Variants in TRIP4 observed in about 807,000 individuals in gnomAD.
TRIP4 encodes the protein activating signal cointegrator 1.
Under a neutral mutation model 81.8 loss-of-function variants are expected in TRIP4, and 54 were observed. The ratio of observed to expected loss-of-function variants is 0.66; its 90% CI spans 0.53 to 0.83. TRIP4 has a LOEUF of 0.83. Ranked by LOEUF, TRIP4 falls within the 40% of genes least tolerant of loss-of-function variation. TRIP4 has a pLI of 0.00. For missense variants in TRIP4, 662 were observed against 683.6 expected (o/e 0.97, Z 0.35); for synonymous variants, 270 against 242.8 (o/e 1.11, Z -1.04).
chr15:64,412,567 A>T (rs1463236012), intron 7 of TRIP4, among the ~76,000 whole-genome samples: 3 of 152,124 alleles, frequency 2.0e-5, no homozygotes, highest in African/African-American at 7.2e-5. Flanking sequence ...TAAAAAAAAA[A>T]AAAAAGCCTC....
chr15:64,413,049 T>C (rs982347247), intron 7 of TRIP4, among the ~76,000 whole-genome samples: 1 of 152,068 alleles, frequency 6.6e-6, no homozygotes, highest in African/African-American at 2.4e-5. Flanking sequence ...CTTTATAACT[T>C]CTGAGCCTTC....
At chr15:64,425,312 A>G (rs761908863) in intron 10 of TRIP4, among the ~76,000 whole-genome samples, 23 of 152,218 alleles carry the variant, frequency 1.5e-4, no homozygotes, top group Non-Finnish European at 2.8e-4. Context: ...AGGGCAAAGG[A>G]AAAATTTTCT....
intron 8 of TRIP4, among the ~76,000 whole-genome samples, chr15:64,415,402 C>T (rs998638105): frequency 6.6e-6 from 1 of 152,090 alleles, no homozygotes; most frequent in Non-Finnish European, 1.5e-5. Flanking sequence ...ATTAGGTGAC[C>T]TAAACAACAG....
rs1555411171 is a variant in TRIP4, at chr15:64,431,847, A to ATTTTTTTT, written c.1575+6217_1575+6224dup. Among the ~76,000 whole-genome samples, 179 of 119,520 alleles carry ATTTTTTTT rather than the reference A, an allele frequency of 1.5e-3. 1 individual carries two copies. Among genetic ancestry groups the ATTTTTTTT allele is most frequent in the Non-Finnish European group, 2.1e-3 (130 of 61,250 alleles). 78.4% of individuals were successfully genotyped at this position (119,520 alleles called of 152,430 possible). A position where few individuals can be genotyped will look rare whatever the true frequency, so the allele number is the denominator to read the frequency against. ...CCATTTATATTATATATATATATATATTTTTTTTATCCAAAGAGCATTGTG... is the reference window on the plus strand; with the variant it reads ...CCATTTATATTATATATATATATATATTTTTTTTTTTTTTTTATCCAAAGAGCATTGTG... On this transcript the variant is annotated intron_variant, in intron 11 of 12. Coordinates refer to ENST00000261884, the MANE Select transcript of TRIP4 (RefSeq NM_016213.5).
At chr15:64,431,342 A>G (rs1417773871) in intron 11 of TRIP4, among the ~76,000 whole-genome samples, 2 of 152,144 alleles carry the variant, frequency 1.3e-5, no homozygotes, top group Non-Finnish European at 2.9e-5. Context: ...ACCCTGGACA[A>G]TTCATTAAAA....
In TRIP4 at chr15:64,432,112, C is replaced by G. The variant is rs535842974; in HGVS notation, c.1575+6481C>G. ...ATGTTGGCCAGGCTAGTCTTGAACT[C>G]TTGACCTCGTGATCCGCCTGCCTCG... is the stretch of plus-strand genomic sequence containing the variant. On this transcript the variant is annotated intron_variant, in intron 11 of 12. Coordinates refer to ENST00000261884, the MANE Select transcript of TRIP4 (RefSeq NM_016213.5). 1.8e-3 allele frequency among the ~76,000 whole-genome samples: 276 copies of G among 151,148 alleles called. 1 individual carries two copies. The highest frequency in any genetic ancestry group is 6.1e-3 in the African/African-American group (253 of 41,302).
chr15:64,414,512 C>CTTTTTTTTTTTT (rs869202504), intron 8 of TRIP4, among the ~76,000 whole-genome samples: 4 of 87,056 alleles, frequency 4.6e-5, no homozygotes, highest in Non-Finnish European at 4.1e-5. Flanking sequence ...TGCTCTTTCT[C>CTTTTTTTTTTTT]TTTTTTTTTT....
intron 5 of TRIP4, among the ~76,000 whole-genome samples, chr15:64,401,717 G>T (rs1229880355): frequency 6.6e-6 from 1 of 152,048 alleles, no homozygotes; most frequent in Non-Finnish European, 1.5e-5. Context: ...AACTGAATAA[G>T]TTAATAAAAT....
Position 64,393,792 on chromosome 15 carries a change from G to A in TRIP4, c.102-154G>A, listed in dbSNP as rs1900204365. On this transcript the variant is annotated intron_variant, in intron 1 of 12. Transcript: ENST00000261884. ...GTATACATTCATACCAGTTAGGATC[G>A]TATCGTATTTCTAGCACCTAGCATA... 21 of 579,902 alleles carry A rather than the reference G, an allele frequency of 3.6e-5. No homozygotes were observed. The East Asian group carries it at 6.2e-4, about 17-fold the overall frequency. 35.9% of individuals were successfully genotyped at this position (579,902 alleles called of 1,614,324 possible). A position where few individuals can be genotyped will look rare whatever the true frequency, so the allele number is the denominator to read the frequency against.
At chr15:64,390,670 C>T (rs1339837286) in intron 1 of TRIP4, among the ~76,000 whole-genome samples, 1 of 151,854 alleles carries the variant, frequency 6.6e-6, no homozygotes, top group Non-Finnish European at 1.5e-5. Flanking sequence ...GCAGGTGGAC[C>T]ACCTGAGGTC....
In TRIP4 at chr15:64,447,312, C is replaced by T. The variant is rs12593332; in HGVS notation, c.1678+2204C>T. On this transcript the variant is annotated intron_variant, in intron 12 of 12. Coordinates refer to ENST00000261884, the MANE Select transcript of TRIP4 (RefSeq NM_016213.5). ...GCATTGTCCTCACTGGTGCGAAACT[C>T]TCCCTCATCCAATACCTTGGGGACC... Among the ~76,000 whole-genome samples, 139 of 152,242 alleles carry T rather than the reference C, an allele frequency of 9.1e-4. 3 individuals are homozygous for T. The East Asian group carries it at 0.026, about 28-fold the overall frequency.
At chr15:64,450,030 G>A (rs1454918903) in intron 12 of TRIP4, among the ~76,000 whole-genome samples, 1 of 152,150 alleles carries the variant, frequency 6.6e-6, no homozygotes, top group African/African-American at 2.4e-5. Context: ...CAGAAACTAA[G>A]TGTTACACCC....
At chr15:64,394,218 G>A in intron 2 of TRIP4, 103 bp downstream of exon 2, 1 of 1,082,808 alleles carries the variant, frequency 9.2e-7, no homozygotes, top group Non-Finnish European at 1.3e-6. Flanking sequence ...TTTCTTCACA[G>A]CTAACTTAAA....
intron 12 of TRIP4, among the ~76,000 whole-genome samples, chr15:64,453,273 G>A (rs2140319443): frequency 6.6e-6 from 1 of 152,308 alleles, no homozygotes; most frequent in Non-Finnish European, 1.5e-5. Context: ...GTCCTAAAAA[G>A]CTGAATGGGA....
intron 5 of TRIP4, among the ~76,000 whole-genome samples, chr15:64,405,766 G>A (rs184925165): frequency 1.3e-4 from 20 of 152,256 alleles, no homozygotes; most frequent in Non-Finnish European, 2.6e-4. Context: ...GTGCTGAGTT[G>A]GGAGGATTGC....
chr15:64,414,002 T>G, intron 7 of TRIP4, 83 bp from the exon 8 acceptor site: 1 of 1,512,590 alleles, frequency 6.6e-7, no homozygotes, highest in Non-Finnish European at 9.0e-7. Flanking sequence ...ATTTTATTAC[T>G]ATTAAAGCAT....
At chr15:64,447,044 C>T (rs2140314796) in intron 12 of TRIP4, among the ~76,000 whole-genome samples, 1 of 152,254 alleles carries the variant, frequency 6.6e-6, no homozygotes, top group Admixed American at 6.5e-5. Flanking sequence ...GCGGAGCTTA[C>T]AGTGAGTCGA....
At chr15:64,406,784 G>C (rs1024280429) in intron 6 of TRIP4, among the ~76,000 whole-genome samples, 2 of 152,160 alleles carry the variant, frequency 1.3e-5, no homozygotes, top group African/African-American at 2.4e-5. Context: ...ATTAGAGTAC[G>C]TGTTATTTGC....
At chr15:64,446,908 C>T (rs1021933909) in intron 12 of TRIP4, among the ~76,000 whole-genome samples, 21 of 151,380 alleles carry the variant, frequency 1.4e-4, no homozygotes, top group African/African-American at 4.6e-4. Context: ...ATCGAGACTA[C>T]CCTGGCTAAC....
Sources: gnomAD v4.1 joint callset for allele counts (sites outside exome capture counted in the v4.1 genomes callset) on GRCh38, gnomAD v4.1.1 for gene constraint, MANE v1.5 for transcripts, NCBI Gene and HGNC (gene_info 2026-07-23, HGNC 2026-07-21) for gene names.